RICTOR: variants seen among roughly 807,000 people sequenced by gnomAD.
RICTOR encodes the protein rapamycin-insensitive companion of mTOR.
RICTOR carries 49 observed loss-of-function variants against 214.9 expected under a neutral mutation model. That is an observed-to-expected ratio of 0.23 (90% CI 0.18 to 0.29). The LOEUF (loss-of-function observed/expected upper bound fraction) is 0.29, where lower values mean the gene tolerates loss of function less well. Among genes scored for constraint, RICTOR ranks in the 10% least tolerant of loss-of-function variants. RICTOR has a pLI of 1.00. For synonymous variants in RICTOR, 717 were observed against 711.3 expected (o/e 1.01, Z -0.13); for missense variants, 1,625 against 2,047.0 (o/e 0.79, Z 3.98).
intron 10 of RICTOR, among the ~76,000 whole-genome samples, chr5:38,975,278 C>G (rs2150048716): frequency 6.6e-6 from 1 of 152,094 alleles, no homozygotes; most frequent in East Asian, 1.9e-4. Flanking sequence ...TTTAATTGCC[C>G]AGGTAATCAT....
intron 3 of RICTOR, among the ~76,000 whole-genome samples, chr5:39,010,889 A>G (rs1754455168): frequency 6.6e-6 from 1 of 152,206 alleles, no homozygotes; most frequent in Non-Finnish European, 1.5e-5. Flanking sequence ...AGTGAAGCAG[A>G]GCATAAAAGT....
chr5:39,008,950 A>G (rs1195655749), intron 3 of RICTOR, among the ~76,000 whole-genome samples: 2 of 151,962 alleles, frequency 1.3e-5, no homozygotes, highest in African/African-American at 4.8e-5. Context: ...TTAAGGTTAG[A>G]ATTTGTTTAT....
chr5:38,945,854 G>T (rs1748130792), intron 33 of RICTOR, 130 bp from the exon 34 acceptor site: 3 of 533,780 alleles, frequency 5.6e-6, no homozygotes, highest in Non-Finnish European at 9.7e-6. Flanking sequence ...AAGAAAAAAA[G>T]AATAATTTGC....
At chr5:39,033,748 C>T (rs180690532) in intron 2 of RICTOR, among the ~76,000 whole-genome samples, 18 of 152,216 alleles carry the variant, frequency 1.2e-4, no homozygotes, top group Non-Finnish European at 2.2e-4. Context: ...CACACTACCT[C>T]GGTAATGGGA....
intron 10 of RICTOR, among the ~76,000 whole-genome samples, chr5:38,973,403 A>T (rs1319264925): frequency 6.6e-6 from 1 of 152,198 alleles, no homozygotes; most frequent in Non-Finnish European, 1.5e-5. Flanking sequence ...AATAACATAG[A>T]TGGACTGATG....
intron 23 of RICTOR, 36 bp from the exon 24 acceptor site, chr5:38,958,555 C>T (rs758304340): frequency 5.1e-6 from 8 of 1,560,790 alleles, no homozygotes; most frequent in East Asian, 2.2e-5. Flanking sequence ...TATAATTGCA[C>T]AAAAATAGCA....
At chr5:39,002,814 C>T (rs2150106144) in intron 4 of RICTOR, 148 bp from the exon 5 acceptor site, 2 of 715,356 alleles carry the variant, frequency 2.8e-6, no homozygotes, top group South Asian at 4.3e-5. Flanking sequence ...ATAAAAATTA[C>T]TCACTCCAAG....
chr5:38,992,664 A>G (rs555543352), intron 6 of RICTOR, among the ~76,000 whole-genome samples: 220 of 152,322 alleles, frequency 1.4e-3, no homozygotes, highest in African/African-American at 5.0e-3. Context: ...TGAAATATAT[A>G]CATAAAATTT....
chr5:38,964,478 C>A lies in RICTOR; in HGVS notation c.1400+314G>T, dbSNP rs77694242. ...TAGTTCATAGACATAAAAAAAAGAG[C>A]CAGAATTGCTGCTCATGACATAAAG... is the stretch of plus-strand genomic sequence containing the variant. On this transcript the variant is annotated intron_variant, in intron 16 of 37. Coordinates refer to ENST00000357387, the MANE Select transcript of RICTOR (RefSeq NM_152756.5). Among the ~76,000 whole-genome samples, 858 of 151,828 alleles carry A rather than the reference C, an allele frequency of 5.7e-3. 8 individuals are homozygous for A. Among genetic ancestry groups the A allele is most frequent in the African/African-American group, 0.02 (821 of 41,484 alleles).
Position 38,978,601 on chromosome 5 carries a change from G to C in RICTOR, c.803C>G (p.Thr268Arg), listed in dbSNP as rs745378144. ...TDFHYRHSPD[T>R]AEGQLKEDRE... is the part of the protein sequence containing the mutation. ...TACTTACTTGAGCTGTCCTTCAGCT[G>C]TATCTGGACTATGTCTGTAGTGAAA... Residue 268 changes from threonine (T) to arginine (R), a missense_variant, in exon 9 of 38, where the codon ACA becomes AGA. By Grantham distance (71) the Thr-to-Arg change is moderately conservative. Around this residue, in one of 5 missense-constraint regions of RICTOR, gnomAD observed 258 missense variants for 393.7 expected, o/e 0.66. Coordinates refer to ENST00000357387, the MANE Select transcript of RICTOR (RefSeq NM_152756.5). The C allele has an allele frequency of 6.4e-7, 1 of 1,566,370 alleles. No individual in the cohort carries two copies. The highest frequency in any genetic ancestry group is 1.1e-5 in the South Asian group (1 of 87,976).
At chr5:39,009,651 T>C (rs988643822) in intron 3 of RICTOR, among the ~76,000 whole-genome samples, 1 of 149,980 alleles carries the variant, frequency 6.7e-6, no homozygotes, top group African/African-American at 2.5e-5. Flanking sequence ...TCAGGTTGTT[T>C]CCAGGACTGT....
At chr5:39,007,375 A>G (rs1255120737) in intron 3 of RICTOR, among the ~76,000 whole-genome samples, 2 of 152,164 alleles carry the variant, frequency 1.3e-5, no homozygotes, top group Admixed American at 6.6e-5. Flanking sequence ...ATAAGAGATT[A>G]TATTAGATTA....
At chr5:38,990,576 T>C (rs62359809) in intron 7 of RICTOR, among the ~76,000 whole-genome samples, 128,307 of 134,594 alleles carry the variant, frequency 0.95, 61,165 homozygotes, top group East Asian at 0.99. Context: ...ACGATATATA[T>C]GATATATACA....
At chr5:38,958,164 G>A (rs1235241416) in intron 24 of RICTOR, among the ~76,000 whole-genome samples, 2 of 152,124 alleles carry the variant, frequency 1.3e-5, no homozygotes, top group Admixed American at 6.5e-5. Context: ...TTGAACTTGG[G>A]AGGCAGTGGT....
Position 38,950,702 on chromosome 5 carries a change from T to A in RICTOR, c.3146A>T (p.Asp1049Val). The A allele has an allele frequency of 6.3e-7, 1 of 1,597,340 alleles. No homozygotes were observed. The highest frequency in any genetic ancestry group is 8.5e-7 in the Non-Finnish European group (1 of 1,172,206). ...AGTAGAGCTGCTGCCAAACCGGTCA[T>A]CCTCCAATATGAACATACCTATGAT... The part of the protein sequence containing the change: ...SVPSSMFILE[D>V]DRFGSSSTST... Residue 1049 changes from aspartate (D) to valine (V), a missense_variant, in exon 31 of 38, where the codon GAT (aspartate) becomes GTT (valine). Physicochemically the swap from Asp to Val is radical, Grantham distance 152 (BLOSUM62 -3). Coordinates refer to ENST00000357387, the MANE Select transcript of RICTOR (RefSeq NM_152756.5).
At chr5:38,978,722 A>T (rs1751441305) in intron 8 of RICTOR, 72 bp from the exon 9 acceptor site, 2 of 724,256 alleles carry the variant, frequency 2.8e-6, no homozygotes, top group South Asian at 1.7e-5. Context: ...TATGGAATGT[A>T]ACATTCCATT....
At chr5:38,993,832 CT>C (rs1752960660) in intron 6 of RICTOR, among the ~76,000 whole-genome samples, 1 of 152,114 alleles carries the variant, frequency 6.6e-6, no homozygotes, top group African/African-American at 2.4e-5. Flanking sequence ...GACAACTTTG[CT>C]TTCTGATGGT....
At chr5:38,958,238 A>T (rs759161444) in intron 24 of RICTOR, among the ~76,000 whole-genome samples, 2 of 151,842 alleles carry the variant, frequency 1.3e-5, no homozygotes, top group African/African-American at 2.4e-5. Context: ...CCGTCTCAAT[A>T]AAAAAAAGGA....
rs1747329867 is a variant in RICTOR at position 38,939,720 on chromosome 5, A to G, written c.*2584T>C. ...TTACCAATAGTACAAATTTATATGG[A>G]CTAAGATTAATCCTAAAATCTTTAA... On this transcript the variant is annotated 3_prime_UTR_variant, in exon 38 of 38. Transcript: ENST00000357387. 1 of 229,576 alleles carries G rather than the reference A, an allele frequency of 4.4e-6. No individual in the cohort carries two copies. Among genetic ancestry groups the G allele is most frequent in the Non-Finnish European group, 8.6e-6 (1 of 115,918 alleles). 14.2% of individuals were successfully genotyped at this position (229,576 alleles called of 1,614,324 possible).
Sources: gnomAD v4.1 joint callset for allele counts (sites outside exome capture counted in the v4.1 genomes callset) on GRCh38, gnomAD v4.1.1 for gene constraint, gnomAD v4.1.1 regional missense constraint, MANE v1.5 for transcripts, NCBI Gene and HGNC (gene_info 2026-07-23, HGNC 2026-07-21) for gene names.